The following TTLL11 variants were observed in gnomAD, a reference collection of about 807,000 sequenced individuals.
The protein encoded by TTLL11 is tubulin polyglutamylase TTLL11.
In TTLL11, 42 loss-of-function variants were observed where a neutral mutation model predicts 51.7. That is an observed-to-expected ratio of 0.81 (90% CI 0.64 to 1.05). TTLL11 has a LOEUF of 1.05. TTLL11 is among the 50% of genes least tolerant of loss of function. The pLI is 0.00. For synonymous variants in TTLL11, 381 were observed against 383.5 expected (o/e 0.99, Z 0.08); for missense variants, 799 against 940.4 (o/e 0.85, Z 1.97).
chr9:121,953,363 T>G (rs1476959487), intron 6 of TTLL11, among the ~76,000 whole-genome samples: 1 of 152,168 alleles, frequency 6.6e-6, no homozygotes, highest in East Asian at 1.9e-4. Context: ...CCAGGCACTG[T>G]GGCTCACGTG....
intron 6 of TTLL11, among the ~76,000 whole-genome samples, chr9:121,915,990 TACACAC>T (rs59554930): frequency 0.5 from 66,750 of 133,926 alleles, 17,142 homozygotes; most frequent in Non-Finnish European, 0.61. Context: ...GACACACACA[TACACAC>T]ACACACACAC....
rs566528544 is a variant in TTLL11 at position 122,074,683 on chromosome 9, C to T, written c.462+18004G>A. ...TTGGGAGGCTGAGGCAGGAGGATTG[C>T]TTGAGACCAGGAGTTTGAGCAACCT... On this transcript the variant is annotated intron_variant, in intron 1 of 8. Coordinates refer to ENST00000321582, the MANE Select transcript of TTLL11 (RefSeq NM_001139442.2). 1.1e-4 allele frequency among the ~76,000 whole-genome samples: 16 copies of T among 150,248 alleles called. No homozygotes were observed. In the South Asian group the frequency reaches 2.9e-3, roughly 27 times the overall value.
chr9:121,824,342 G>T (rs976423011), intron 8 of TTLL11, among the ~76,000 whole-genome samples: 13 of 151,976 alleles, frequency 8.6e-5, no homozygotes, highest in African/African-American at 3.1e-4. Flanking sequence ...GGGTGTGGTG[G>T]TGCATGCCTG....
intron 6 of TTLL11, among the ~76,000 whole-genome samples, chr9:121,956,616 C>T (rs534584767): frequency 6.6e-6 from 1 of 152,356 alleles, no homozygotes; most frequent in South Asian, 2.1e-4. Context: ...AGCCCAGTGC[C>T]AAGCCCTAGT....
At chr9:121,978,677 G>C (rs73662553) in intron 4 of TTLL11, among the ~76,000 whole-genome samples, 1 of 151,964 alleles carries the variant, frequency 6.6e-6, no homozygotes, top group Admixed American at 6.6e-5. Flanking sequence ...GGGCTCCCTG[G>C]GGGGTTTAAA....
chr9:121,880,013 T>C (rs926123913), intron 6 of TTLL11, among the ~76,000 whole-genome samples: 1 of 151,694 alleles, frequency 6.6e-6, no homozygotes, highest in Non-Finnish European at 1.5e-5. Context: ...AGAAAAAAAA[T>C]GACACAGCTA....
At chr9:122,062,525 G>A (rs1402025054) in intron 1 of TTLL11, among the ~76,000 whole-genome samples, 2 of 133,654 alleles carry the variant, frequency 1.5e-5, no homozygotes, top group Non-Finnish European at 3.0e-5. Flanking sequence ...CTGGAGTGCA[G>A]TGGCATGATC....
intron 6 of TTLL11, among the ~76,000 whole-genome samples, chr9:121,901,215 T>G (rs1442548802): frequency 6.6e-6 from 1 of 152,218 alleles, no homozygotes; most frequent in African/African-American, 2.4e-5. Flanking sequence ...CTAAAATTGT[T>G]TATCAGTTCT....
At chr9:121,951,072 C>A (rs946557164) in intron 6 of TTLL11, among the ~76,000 whole-genome samples, 2 of 152,182 alleles carry the variant, frequency 1.3e-5, no homozygotes, top group African/African-American at 4.8e-5. Flanking sequence ...CCTGTAAAGC[C>A]TGATGGCGGA....
At chr9:122,003,384 T>C (rs1172347685) in intron 3 of TTLL11, among the ~76,000 whole-genome samples, 2 of 152,104 alleles carry the variant, frequency 1.3e-5, no homozygotes, top group Non-Finnish European at 2.9e-5. Flanking sequence ...TGTTAGTCAA[T>C]GGTGACGTTA....
At chr9:122,021,926 T>G (rs1356825598) in intron 3 of TTLL11, among the ~76,000 whole-genome samples, 2 of 152,168 alleles carry the variant, frequency 1.3e-5, no homozygotes, top group Admixed American at 1.3e-4. Flanking sequence ...GCATTCCATA[T>G]GTTCAAAAAG....
Position 121,821,159 on chromosome 9 carries a change from T to C in TTLL11, c.*1428A>G, listed in dbSNP as rs1836567056. On this transcript the variant is annotated 3_prime_UTR_variant, in exon 9 of 9. Transcript: ENST00000321582. The surrounding 1 kb of genome is among the most constrained non-coding windows in gnomAD (Gnocchi z 5.0). ...GATTCAAGTAACTTGTTTCCACAGA[T>C]GCTTTTGAGTACCTGTTATGAACCA... 6.6e-6 allele frequency among the ~76,000 whole-genome samples: 1 copy of C among 152,118 alleles called. No individual in the cohort carries two copies. The highest frequency in any genetic ancestry group is 2.4e-5 in the African/African-American group (1 of 41,424).
At chr9:122,066,938 T>A (rs1310015902) in intron 1 of TTLL11, among the ~76,000 whole-genome samples, 1 of 152,028 alleles carries the variant, frequency 6.6e-6, no homozygotes, top group Admixed American at 6.5e-5. Flanking sequence ...TATAAAACCA[T>A]CAGATCTCAT....
chr9:122,072,423 C>A (rs1343171023), intron 1 of TTLL11, among the ~76,000 whole-genome samples: 1 of 152,088 alleles, frequency 6.6e-6, no homozygotes, highest in Admixed American at 6.6e-5. Flanking sequence ...GTGGGTGGAT[C>A]ACTTGAGCTC....
At chr9:121,887,038 A>G (rs1206628458) in intron 6 of TTLL11, among the ~76,000 whole-genome samples, 1 of 152,170 alleles carries the variant, frequency 6.6e-6, no homozygotes, top group Non-Finnish European at 1.5e-5. Context: ...GCCCATCTCC[A>G]GACCAGGATG....
chr9:122,074,012 C>T (rs1237529831), intron 1 of TTLL11, among the ~76,000 whole-genome samples: 9 of 152,182 alleles, frequency 5.9e-5, no homozygotes, highest in Admixed American at 3.9e-4. Flanking sequence ...GTGGCTTACA[C>T]CTGTAATCCC....
intron 6 of TTLL11, among the ~76,000 whole-genome samples, chr9:121,873,639 C>CG (rs1491193868): frequency 2.0e-5 from 1 of 48,804 alleles, no homozygotes; most frequent in Non-Finnish European, 5.2e-5. Flanking sequence ...TCCTCCTCCT[C>CG]CTCTCTTCTT....
chr9:121,872,985 A>T (rs894835024), intron 6 of TTLL11, among the ~76,000 whole-genome samples: 4 of 152,236 alleles, frequency 2.6e-5, no homozygotes, highest in African/African-American at 9.6e-5. Context: ...TTTCCCATTA[A>T]GGTTATAGGA....
At chr9:121,823,805 A>G (rs1314637235) in intron 8 of TTLL11, among the ~76,000 whole-genome samples, 1 of 152,220 alleles carries the variant, frequency 6.6e-6, no homozygotes, top group Non-Finnish European at 1.5e-5. Context: ...GAAAGAATAA[A>G]TAGTCATCCC....
Sources: gnomAD v4.1 joint callset for allele counts (sites outside exome capture counted in the v4.1 genomes callset) on GRCh38, gnomAD v4.1.1 for gene constraint, Gnocchi (gnomAD v3.1) non-coding constraint, MANE v1.5 for transcripts, NCBI Gene and HGNC (gene_info 2026-07-23, HGNC 2026-07-21) for gene names.